Variants in NBAS observed in about 807,000 individuals in gnomAD.
The protein encoded by NBAS is NBAS subunit of NRZ tethering complex, also known as NAG/BC035112 fusion.
NBAS carries 219 observed loss-of-function variants against 302.5 expected under a neutral mutation model. The ratio of observed to expected loss-of-function variants is 0.72; its 90% CI spans 0.65 to 0.81. NBAS has a LOEUF of 0.81. Ranked by LOEUF, NBAS falls within the 30% of genes least tolerant of loss-of-function variation. The probability of loss-of-function intolerance (pLI) is 0.00; values close to 1 mark genes in which losing one functional copy is unlikely to be tolerated. For synonymous variants in NBAS, 1,118 were observed against 1,021.6 expected (o/e 1.09, Z -1.80); for missense variants, 2,932 against 2,841.6 (o/e 1.03, Z -0.72).
At chr2:14,875,254 A>G in the NBAS span, among the ~76,000 whole-genome samples, 1 of 152,176 alleles carries the variant, frequency 6.6e-6, no homozygotes, top group African/African-American at 2.4e-5. Context: ...AAAACAAACA[A>G]AACGCTAGAA....
In NBAS at chr2:15,539,144, CT is replaced by C. The variant is rs370655806; in HGVS notation, c.513+78del. On this transcript the variant is annotated intron_variant, in intron 7 of 51. Transcript: ENST00000281513. The stretch of plus-strand genomic sequence containing the variant: ...TGATTTATATTTGTATTATCCCCCC[CT>C]TCACACTCTTTTATTCAAGTACCTA... 1.1e-3 allele frequency: 1,673 copies of C among 1,573,010 alleles called. 6 individuals carry two copies. The highest frequency in any genetic ancestry group is 1.6e-3 in the Middle Eastern group (8 of 5,008).
At chr2:15,285,635 T>C (rs769962876) in intron 42 of NBAS, among the ~76,000 whole-genome samples, 204 of 152,300 alleles carry the variant, frequency 1.3e-3, no homozygotes, top group Non-Finnish European at 3.4e-4. Flanking sequence ...ATGGATAACT[T>C]CCTGATTCCC....
At chr2:14,895,739 C>CAAAAA in the NBAS span, among the ~76,000 whole-genome samples, 2 of 95,474 alleles carry the variant, frequency 2.1e-5, no homozygotes, top group African/African-American at 3.8e-5. Context: ...GACTCCGTCT[C>CAAAAA]AAAAAAAAAA....
the NBAS span, among the ~76,000 whole-genome samples, chr2:14,868,906 C>A: frequency 6.6e-6 from 1 of 152,142 alleles, no homozygotes; most frequent in East Asian, 1.9e-4. Context: ...CTGAGCCCAA[C>A]AGAATCCTTC....
At chr2:15,558,657 CT>C (rs1467719828) in intron 1 of NBAS, 23 bp from the exon 2 acceptor site, 2 of 1,587,098 alleles carry the variant, frequency 1.3e-6, no homozygotes, top group Non-Finnish European at 1.7e-6. Context: ...ACAAAAAACA[CT>C]TACATTTGAA....
chr2:14,951,712 T>C, the NBAS span, among the ~76,000 whole-genome samples: 2 of 152,216 alleles, frequency 1.3e-5, no homozygotes, highest in Admixed American at 6.5e-5. Flanking sequence ...GTGCTTGACA[T>C]TGTTTATTGC....
chr2:15,291,545 C>T (rs1259789035), intron 41 of NBAS, among the ~76,000 whole-genome samples: 1 of 152,156 alleles, frequency 6.6e-6, no homozygotes, highest in Non-Finnish European at 1.5e-5. Context: ...AAAGCAAACA[C>T]CAGCACTAAA....
chr2:14,788,305 C>T, the NBAS span, among the ~76,000 whole-genome samples: 8 of 152,118 alleles, frequency 5.3e-5, no homozygotes, highest in African/African-American at 1.9e-4. Context: ...TTGTCTGAAG[C>T]CTTCTTCTCT....
the NBAS span, among the ~76,000 whole-genome samples, chr2:14,783,888 A>G: frequency 6.6e-6 from 1 of 150,658 alleles, no homozygotes; most frequent in Non-Finnish European, 1.5e-5. Context: ...TCCCTGAGGA[A>G]TCGCCACACT....
At chr2:15,073,498 A>AG in the NBAS span, among the ~76,000 whole-genome samples, 47,838 of 139,922 alleles carry the variant, frequency 0.34, 10,494 homozygotes, top group African/African-American at 0.61. Flanking sequence ...AAAATAAAAA[A>AG]TAAAACAATA....
the NBAS span, among the ~76,000 whole-genome samples, chr2:14,897,257 A>G: frequency 6.6e-6 from 1 of 152,146 alleles, no homozygotes; most frequent in Admixed American, 6.5e-5. Context: ...CTCCTTATCA[A>G]AACTAAAAAT....
chr2:14,865,376 T>G, the NBAS span, among the ~76,000 whole-genome samples: 9 of 152,086 alleles, frequency 5.9e-5, no homozygotes, highest in African/African-American at 2.2e-4. Flanking sequence ...TAGGAAAATG[T>G]GAGAAATCTC....
chr2:15,083,577 T>C, the NBAS span, among the ~76,000 whole-genome samples: 1 of 152,236 alleles, frequency 6.6e-6, no homozygotes, highest in Non-Finnish European at 1.5e-5. Context: ...CAGAATAATG[T>C]TGTCATCCAG....
chr2:15,439,716 G>A (rs1423474647), intron 21 of NBAS, among the ~76,000 whole-genome samples: 3 of 152,198 alleles, frequency 2.0e-5, no homozygotes, highest in Non-Finnish European at 2.9e-5. Context: ...TGCCTCACTC[G>A]GGAAGCGCAA....
chr2:14,976,254 C>T, the NBAS span, among the ~76,000 whole-genome samples: 5 of 152,106 alleles, frequency 3.3e-5, no homozygotes, highest in East Asian at 3.9e-4. Context: ...CTGGTTGAGC[C>T]GAGGAGACTG....
the NBAS span, among the ~76,000 whole-genome samples, chr2:14,792,825 T>C: frequency 2.0e-5 from 3 of 152,168 alleles, no homozygotes; most frequent in African/African-American, 4.8e-5. Context: ...AACACAAAGA[T>C]ACATCATCAG....
chr2:14,884,875 T>C, the NBAS span, among the ~76,000 whole-genome samples: 2 of 152,106 alleles, frequency 1.3e-5, no homozygotes, highest in Non-Finnish European at 2.9e-5. Flanking sequence ...TCCAGTGATA[T>C]GAAAACCAAG....
chr2:15,469,328 T>A (rs1028340583), intron 16 of NBAS, among the ~76,000 whole-genome samples: 1 of 152,222 alleles, frequency 6.6e-6, no homozygotes, highest in Non-Finnish European at 1.5e-5. Context: ...TGCTTTCTCT[T>A]GTGGGCACTT....
At chr2:14,808,616 T>C in the NBAS span, among the ~76,000 whole-genome samples, 3 of 152,220 alleles carry the variant, frequency 2.0e-5, no homozygotes, top group Non-Finnish European at 4.4e-5. Context: ...GCCAGCCATG[T>C]GGAACTGAAA....
Sources: gnomAD v4.1 joint callset for allele counts (sites outside exome capture counted in the v4.1 genomes callset) on GRCh38, gnomAD v4.1.1 for gene constraint, MANE v1.5 for transcripts, NCBI Gene and HGNC (gene_info 2026-07-23, HGNC 2026-07-21) for gene names.